DNAH11: variants seen among roughly 807,000 people sequenced by gnomAD.
The protein encoded by DNAH11 is axonemal beta dynein heavy chain 11.
In DNAH11, 442 loss-of-function variants were observed where a neutral mutation model predicts 526.0. The ratio of observed to expected loss-of-function variants is 0.84; its 90% CI spans 0.78 to 0.91. DNAH11 has a LOEUF of 0.91. Among genes scored for constraint, DNAH11 ranks in the 40% least tolerant of loss-of-function variants. The pLI, the probability that DNAH11 is intolerant of heterozygous loss-of-function variation, is 0.00. For missense variants in DNAH11, 6,989 were observed against 5,448.7 expected (o/e 1.28, Z -8.90); for synonymous variants, 2,461 against 1,935.9 (o/e 1.27, Z -7.12).
chr7:21,808,982 A>G (rs549335570), intron 63 of DNAH11, among the ~76,000 whole-genome samples: 14 of 152,168 alleles, frequency 9.2e-5, no homozygotes, highest in Non-Finnish European at 1.8e-4. Flanking sequence ...GACTGTACTA[A>G]TTTAAATTTC....
At chr7:21,720,673 C>G (rs903224938) in intron 43 of DNAH11, 52 bp from the exon 44 acceptor site, 26 of 1,502,044 alleles carry the variant, frequency 1.7e-5, no homozygotes, top group Non-Finnish European at 2.1e-5. Flanking sequence ...ATTCTTTGAA[C>G]TTCACTATTT....
At chr7:21,628,447 A>G (rs1289904157) in intron 25 of DNAH11, among the ~76,000 whole-genome samples, 2 of 152,130 alleles carry the variant, frequency 1.3e-5, no homozygotes, top group African/African-American at 2.4e-5. Flanking sequence ...GTCCTTTACT[A>G]TTTTGAGATA....
At chr7:21,719,168 A>G (rs1231210348) in intron 43 of DNAH11, among the ~76,000 whole-genome samples, 2 of 152,202 alleles carry the variant, frequency 1.3e-5, no homozygotes, top group African/African-American at 4.8e-5. Context: ...CAGAAAGGGC[A>G]TTTAATTTTT....
At chr7:21,635,828 A>G (rs747938892) in intron 25 of DNAH11, 43 bp from the exon 26 acceptor site, 4 of 1,501,196 alleles carry the variant, frequency 2.7e-6, no homozygotes, top group South Asian at 2.5e-5. Flanking sequence ...CTCACATTCT[A>G]CTAAATTTAG....
intron 30 of DNAH11, among the ~76,000 whole-genome samples, chr7:21,679,172 T>C (rs1583587291): frequency 6.6e-6 from 1 of 151,788 alleles, no homozygotes; most frequent in Non-Finnish European, 1.5e-5. Flanking sequence ...ATCTCACTTA[T>C]AAGTGGATTA....
chr7:21,805,424 T>G (rs1351532781), intron 62 of DNAH11, among the ~76,000 whole-genome samples: 2 of 152,138 alleles, frequency 1.3e-5, no homozygotes, highest in African/African-American at 4.8e-5. Flanking sequence ...ATTTGCTGAA[T>G]GAATGAGTTA....
chr7:21,787,603 T>G lies in DNAH11; in HGVS notation c.9924+20T>G, dbSNP rs1158968648. On this transcript the variant is annotated intron_variant, in intron 60 of 81. Coordinates refer to ENST00000409508, the MANE Select transcript of DNAH11 (RefSeq NM_001277115.2). ...TATGAGGTATCAATCCTAAATTGATTGTTTACAGATGTTCTCCACAAAGGG... is the reference window on the plus strand; with the variant it reads ...TATGAGGTATCAATCCTAAATTGATGGTTTACAGATGTTCTCCACAAAGGG... 11 of 1,572,900 alleles carry G rather than the reference T, an allele frequency of 7.0e-6. No homozygotes were observed. The African/African-American group carries it at 1.5e-4, about 21-fold the overall frequency.
chr7:21,663,275 G>T (rs1210591145), intron 30 of DNAH11, among the ~76,000 whole-genome samples: 1 of 152,038 alleles, frequency 6.6e-6, no homozygotes, highest in Non-Finnish European at 1.5e-5. Flanking sequence ...GAATAGTGTT[G>T]CAATAAACAT....
intron 45 of DNAH11, among the ~76,000 whole-genome samples, chr7:21,734,161 G>C (rs1189238141): frequency 6.6e-6 from 1 of 152,180 alleles, no homozygotes; most frequent in Non-Finnish European, 1.5e-5. Flanking sequence ...CTTACTAGTA[G>C]CTATGACCTT....
intron 41 of DNAH11, 64 bp downstream of exon 41, chr7:21,710,767 A>G: frequency 6.7e-7 from 1 of 1,481,790 alleles, no homozygotes; most frequent in Non-Finnish European, 9.0e-7. Context: ...AGTTCGATTC[A>G]CTTGTCGATG....
chr7:21,664,413 G>A (rs1027390324), intron 30 of DNAH11, among the ~76,000 whole-genome samples: 5 of 149,384 alleles, frequency 3.3e-5, no homozygotes, highest in South Asian at 2.1e-4. Context: ...CCTCGCCCCC[G>A]CCCCCGCAAT....
intron 30 of DNAH11, among the ~76,000 whole-genome samples, chr7:21,672,716 AT>A (rs534995536): frequency 2.0e-5 from 3 of 151,942 alleles, no homozygotes; most frequent in African/African-American, 4.8e-5. Flanking sequence ...TGCAAGGAAG[AT>A]TTTTTTTCTT....
chr7:21,770,569 T>A (rs1236563583), intron 55 of DNAH11, among the ~76,000 whole-genome samples: 1 of 152,156 alleles, frequency 6.6e-6, no homozygotes, highest in Admixed American at 6.5e-5. Context: ...ACCAGTAGTT[T>A]CCCCTGGGAT....
intron 6 of DNAH11, among the ~76,000 whole-genome samples, chr7:21,569,533 C>A (rs187910009): frequency 8.9e-4 from 135 of 152,300 alleles, no homozygotes; most frequent in Middle Eastern, 3.4e-3. Flanking sequence ...TCATGTGGCA[C>A]ACGTCAGCCA....
rs1060504813 is a variant in DNAH11 at position 21,658,986 on chromosome 7, G to C, written c.5283G>C (p.Leu1761=). ...ATGTAGGAATAGCCTTCAGTAGACT[G>C]GAAGAAGGCTACGAAACAGCCCTGA... ...TTDVGIAFSR[L]EEGYETALKD... Residue 1761 remains leucine, a synonymous_variant, in exon 30 of 82, where the codon CTG becomes CTC. Transcript: ENST00000409508. The C allele has an allele frequency of 9.9e-6, 16 of 1,608,894 alleles. No individual in the cohort carries two copies. Among genetic ancestry groups the C allele is most frequent in the African/African-American group, 1.3e-5 (1 of 74,726 alleles).
At chr7:21,549,188 C>T (rs1782921917) in intron 2 of DNAH11, among the ~76,000 whole-genome samples, 1 of 152,156 alleles carries the variant, frequency 6.6e-6, no homozygotes, top group Non-Finnish European at 1.5e-5. Context: ...CAATGACAGA[C>T]TTTTATAAGT....
chr7:21,626,192 A>T (rs1461072037), intron 25 of DNAH11, among the ~76,000 whole-genome samples: 1 of 152,178 alleles, frequency 6.6e-6, no homozygotes, highest in African/African-American at 2.4e-5. Flanking sequence ...AAATTCCCAC[A>T]TGTGAATGGG....
chr7:21,690,683 A>G, intron 34 of DNAH11, 82 bp from the exon 35 acceptor site: 1 of 1,005,456 alleles, frequency 9.9e-7, no homozygotes, highest in Non-Finnish European at 1.5e-6. Flanking sequence ...AATAATTTGC[A>G]TTTTGCAGTG....
chr7:21,741,716 T>C (rs988001495), intron 48 of DNAH11, among the ~76,000 whole-genome samples: 1 of 152,160 alleles, frequency 6.6e-6, no homozygotes, highest in Non-Finnish European at 1.5e-5. Flanking sequence ...AGGAGAAATA[T>C]ACACCTCTGA....
Sources: gnomAD v4.1 joint callset for allele counts (sites outside exome capture counted in the v4.1 genomes callset) on GRCh38, gnomAD v4.1.1 for gene constraint, MANE v1.5 for transcripts, NCBI Gene and HGNC (gene_info 2026-07-23, HGNC 2026-07-21) for gene names.